Variants in GLIS3 observed in about 807,000 individuals in gnomAD.
GLIS3 encodes the protein GLIS family zinc finger 3.
Under a neutral mutation model 78.6 loss-of-function variants are expected in GLIS3, and 53 were observed. The observed-to-expected ratio is 0.67, with a 90% CI of 0.54 to 0.85. The LOEUF (loss-of-function observed/expected upper bound fraction) is 0.85. GLIS3 is among the 40% of genes least tolerant of loss of function. The pLI, the probability that GLIS3 is intolerant of heterozygous loss-of-function variation, is 0.00. For synonymous variants in GLIS3, 684 were observed against 509.9 expected (o/e 1.34, Z -4.60); for missense variants, 1,703 against 1,231.1 (o/e 1.38, Z -5.74).
chr9:4,199,940 C>A (rs139480681), intron 2 of GLIS3, among the ~76,000 whole-genome samples: 1 of 152,036 alleles, frequency 6.6e-6, no homozygotes, highest in Non-Finnish European at 1.5e-5. Context: ...TCAAAAAAAT[C>A]GAAATCATAC....
chr9:4,088,001 A>T (rs1392662082), intron 4 of GLIS3, among the ~76,000 whole-genome samples: 2 of 152,226 alleles, frequency 1.3e-5, no homozygotes, highest in Non-Finnish European at 2.9e-5. Flanking sequence ...CATGTCATTC[A>T]TGCACTAACA....
At chr9:3,921,671 C>A (rs1208328806) in intron 6 of GLIS3, among the ~76,000 whole-genome samples, 2 of 151,848 alleles carry the variant, frequency 1.3e-5, no homozygotes, top group Admixed American at 1.3e-4. Flanking sequence ...ATTAAAAAAT[C>A]CACACAGCAA....
chr9:4,162,316 G>T (rs1013890657), intron 2 of GLIS3, among the ~76,000 whole-genome samples: 4 of 152,010 alleles, frequency 2.6e-5, no homozygotes, highest in African/African-American at 9.7e-5. Flanking sequence ...TCTATCTCCA[G>T]AAAAACAAAA....
intron 2 of GLIS3, among the ~76,000 whole-genome samples, chr9:4,140,108 G>C (rs1242569075): frequency 2.0e-5 from 3 of 152,204 alleles, no homozygotes; most frequent in South Asian, 2.1e-4. Flanking sequence ...TAGATCGCTT[G>C]AGCTCTGGAG....
chr9:3,923,096 T>C (rs1824997632), intron 6 of GLIS3, among the ~76,000 whole-genome samples: 1 of 152,226 alleles, frequency 6.6e-6, no homozygotes, highest in African/African-American at 2.4e-5. Context: ...GGTGTAGTCA[T>C]AGTTGGATAA....
At chr9:3,926,291 T>C (rs1040337230) in intron 6 of GLIS3, among the ~76,000 whole-genome samples, 1 of 147,878 alleles carries the variant, frequency 6.8e-6, no homozygotes, top group East Asian at 2.0e-4. Flanking sequence ...AGTGCAGTGG[T>C]GCAATCTCTG....
intron 2 of GLIS3, among the ~76,000 whole-genome samples, chr9:4,205,150 C>G (rs1158224908): frequency 6.9e-6 from 1 of 145,494 alleles, no homozygotes; most frequent in Non-Finnish European, 1.5e-5. Flanking sequence ...CACTCCAGTC[C>G]CTGGGTGACA....
At chr9:4,062,734 T>G (rs1481643679) in intron 4 of GLIS3, among the ~76,000 whole-genome samples, 1 of 152,134 alleles carries the variant, frequency 6.6e-6, no homozygotes, top group South Asian at 2.1e-4. Flanking sequence ...GAGACCATCC[T>G]GGCTAACACA....
chr9:4,354,854 T>A, the GLIS3 span, among the ~76,000 whole-genome samples: 4 of 151,932 alleles, frequency 2.6e-5, no homozygotes, highest in South Asian at 2.1e-4. Context: ...TGGTGGCTCA[T>A]GCCTGTAATC....
intron 2 of GLIS3, among the ~76,000 whole-genome samples, chr9:4,342,782 G>C (rs1481909884): frequency 6.6e-6 from 1 of 152,126 alleles, no homozygotes; most frequent in Admixed American, 6.5e-5. Context: ...GCAGTGTTTT[G>C]TAATTCTCAC....
At chr9:3,911,110 T>C (rs1824116884) in intron 6 of GLIS3, among the ~76,000 whole-genome samples, 1 of 152,090 alleles carries the variant, frequency 6.6e-6, no homozygotes, top group Admixed American at 6.6e-5. Context: ...TCTTCCTTCC[T>C]TCCTTCCTTC....
At chr9:4,123,983 C>T (rs571659180) in intron 3 of GLIS3, 2 of 388,578 alleles carry the variant, frequency 5.1e-6, no homozygotes, top group African/African-American at 2.1e-5. Context: ...ATGTATAAAA[C>T]GCTAAGCTGA....
chr9:4,326,082 A>G, intron 2 of GLIS3, among the ~76,000 whole-genome samples: 1 of 152,170 alleles, frequency 6.6e-6, no homozygotes, highest in Non-Finnish European at 1.5e-5. Context: ...AGCCTCAGGA[A>G]GAACAGCTAA....
At chr9:4,116,780 A>G (rs933271340) in intron 4 of GLIS3, among the ~76,000 whole-genome samples, 2 of 152,246 alleles carry the variant, frequency 1.3e-5, no homozygotes, top group East Asian at 3.8e-4. Flanking sequence ...CATACTCAAT[A>G]TCCAGGGAAT....
chr9:4,473,998 T>C, the GLIS3 span, among the ~76,000 whole-genome samples: 6 of 144,100 alleles, frequency 4.2e-5, no homozygotes, highest in South Asian at 1.4e-3. Flanking sequence ...GAACCTGGTA[T>C]ATTGTAAAGA....
At chr9:4,283,759 T>G (rs569268858) in intron 2 of GLIS3, among the ~76,000 whole-genome samples, 19 of 152,322 alleles carry the variant, frequency 1.2e-4, no homozygotes, top group African/African-American at 4.6e-4. Flanking sequence ...GTTATTGGCT[T>G]AGTATAGGAA....
chr9:4,185,637 T>C (rs1369345694), intron 2 of GLIS3, among the ~76,000 whole-genome samples: 2 of 152,150 alleles, frequency 1.3e-5, no homozygotes, highest in African/African-American at 4.8e-5. Context: ...GGGGACTAAA[T>C]ATAAAGGTAA....
intron 4 of GLIS3, among the ~76,000 whole-genome samples, chr9:4,075,171 C>T (rs1280314896): frequency 6.7e-6 from 1 of 149,438 alleles, no homozygotes; most frequent in Non-Finnish European, 1.5e-5. Context: ...GCGATGGTAC[C>T]ACGAGTGTAT....
At chr9:4,435,854 C>G in the GLIS3 span, among the ~76,000 whole-genome samples, 3 of 152,174 alleles carry the variant, frequency 2.0e-5, no homozygotes, top group Non-Finnish European at 4.4e-5. Context: ...GAGGCTGAGG[C>G]AGGAGAATGG....
Sources: gnomAD v4.1 joint callset for allele counts (sites outside exome capture counted in the v4.1 genomes callset) on GRCh38, gnomAD v4.1.1 for gene constraint, MANE v1.5 for transcripts, NCBI Gene and HGNC (gene_info 2026-07-23, HGNC 2026-07-21) for gene names.